Variants in CALB2 observed in about 807,000 individuals in gnomAD.
CALB2 encodes calbindin 2, also known as calretinin.
Under a neutral mutation model 45.9 loss-of-function variants are expected in CALB2, and 34 were observed. That is an observed-to-expected ratio of 0.74 (90% confidence interval 0.56 to 0.99). The LOEUF (loss-of-function observed/expected upper bound fraction) is 0.99. Ranked by LOEUF, CALB2 falls within the 50% of genes least tolerant of loss-of-function variation. The pLI is 0.00. For missense variants in CALB2, 344 were observed against 339.3 expected (o/e 1.01, Z -0.11); for synonymous variants, 142 against 129.6 (o/e 1.10, Z -0.65).
chr16:71,385,709 G>A (rs894780651), intron 10 of CALB2, 61 bp downstream of exon 10: 2 of 1,391,760 alleles, frequency 1.4e-6, no homozygotes, highest in Admixed American at 1.7e-5. Flanking sequence ...GCTTCTGCAG[G>A]AGAGGAGGGG....
chr16:71,382,650 G>C, intron 4 of CALB2, 69 bp from the exon 5 acceptor site: 1 of 1,504,934 alleles, frequency 6.6e-7, no homozygotes, highest in Non-Finnish European at 9.1e-7. Flanking sequence ...CCCATTAAAG[G>C]GGAATGGAAG....
chr16:71,384,816 A>G lies in CALB2; in HGVS notation c.607A>G (p.Ile203Val). 1 of 1,610,674 alleles carries G rather than the reference A, an allele frequency of 6.2e-7. No homozygotes were observed. Among genetic ancestry groups the G allele is most frequent in the Non-Finnish European group, 8.5e-7 (1 of 1,178,402 alleles). Residue 203 changes from isoleucine to valine, a missense_variant, in exon 9 of 11, where the codon ATC becomes GTC. Transcript: ENST00000302628. Reference sequence around the variant, plus strand: ...GCTGACCTCAGAGGAGTTTAACGCGATCTTCACATTTTACGACAAGGTAAG... The same window carrying G: ...GCTGACCTCAGAGGAGTTTAACGCGGTCTTCACATTTTACGACAAGGTAAG... Reference protein sequence around the residue: ...MKLTSEEFNAIFTFYDKDRSG... With the variant: ...MKLTSEEFNAVFTFYDKDRSG...
chr16:71,385,166 A>T (rs966742166), intron 9 of CALB2, among the ~76,000 whole-genome samples: 7 of 152,080 alleles, frequency 4.6e-5, no homozygotes, highest in Non-Finnish European at 7.4e-5. Flanking sequence ...GCCCAGGGCC[A>T]AGTCTTTCTC....
intron 7 of CALB2, 123 bp from the exon 8 acceptor site, chr16:71,384,216 T>C: frequency 1.0e-6 from 1 of 1,002,818 alleles, no homozygotes; most frequent in Non-Finnish European, 1.6e-6. Context: ...TCCCACTGAT[T>C]CATTATGTGT....
chr16:71,369,757 C>T (rs1012888225), intron 1 of CALB2, among the ~76,000 whole-genome samples: 3 of 120,634 alleles, frequency 2.5e-5, no homozygotes, highest in Admixed American at 9.4e-5. Context: ...TCCACCTCCC[C>T]GTCTGACTCT....
intron 3 of CALB2, among the ~76,000 whole-genome samples, chr16:71,375,286 G>A (rs538034465): frequency 5.9e-5 from 9 of 152,084 alleles, no homozygotes; most frequent in Admixed American, 2.0e-4. Context: ...TAATTTACAC[G>A]TATCCATGTA....
In CALB2 at chr16:71,384,766, T is replaced by C. The variant is rs770685976; in HGVS notation, c.574-17T>C. On this transcript the variant is annotated splice_polypyrimidine_tract_variant and intron_variant, in intron 8 of 10. Coordinates refer to ENST00000302628, the MANE Select transcript of CALB2 (RefSeq NM_001740.5). ...ACTGCGCTTCTGCTTCTGTCTTTAATACCCTGGTTCTTGCAGGGCATGAAG... is the reference window on the plus strand; with the variant it reads ...ACTGCGCTTCTGCTTCTGTCTTTAACACCCTGGTTCTTGCAGGGCATGAAG... 1 of 1,283,536 alleles carries C rather than the reference T, an allele frequency of 7.8e-7. No individual in the cohort carries two copies. Among genetic ancestry groups the C allele is most frequent in the Non-Finnish European group, 1.0e-6 (1 of 999,176 alleles). The allele number at this position is 1,283,536 out of a possible 1,614,324, so 79.5% of individuals were successfully genotyped here.
intron 4 of CALB2, among the ~76,000 whole-genome samples, chr16:71,380,292 C>CTTTTTTTTTTTTTTTTT (rs544138378): frequency 6.8e-5 from 3 of 43,822 alleles, no homozygotes; most frequent in African/African-American, 2.5e-4. Context: ...CCTTCCTTTT[C>CTTTTTTTTTTTTTTTTT]TTTTTTTTTT....
intron 1 of CALB2, among the ~76,000 whole-genome samples, chr16:71,370,364 C>T (rs2042334694): frequency 6.6e-6 from 1 of 152,202 alleles, no homozygotes; most frequent in Admixed American, 6.5e-5. Context: ...CCTCCCTTCC[C>T]ATTCGAGTTG....
At chr16:71,360,506 A>G (rs939895970) in intron 1 of CALB2, among the ~76,000 whole-genome samples, 2 of 152,202 alleles carry the variant, frequency 1.3e-5, no homozygotes, top group African/African-American at 4.8e-5. Context: ...AGTATTCCAG[A>G]TGACATGCAC....
intron 1 of CALB2, among the ~76,000 whole-genome samples, chr16:71,369,074 T>C (rs916423583): frequency 6.6e-6 from 1 of 152,172 alleles, no homozygotes; most frequent in Admixed American, 6.5e-5. Flanking sequence ...CTAGCCTCCC[T>C]CTGCTCCCCT....
At chr16:71,387,690 C>T (rs1278851247) in intron 10 of CALB2, among the ~76,000 whole-genome samples, 1 of 152,182 alleles carries the variant, frequency 6.6e-6, no homozygotes, top group East Asian at 1.9e-4. Flanking sequence ...CTCCCCCATG[C>T]TGCTAAGTCT....
chr16:71,382,639 G>A, intron 4 of CALB2, 80 bp from the exon 5 acceptor site: 1 of 1,347,454 alleles, frequency 7.4e-7, no homozygotes. Context: ...ACCCTGGGTG[G>A]CCCATTAAAG....
chr16:71,389,901 A>T lies in CALB2; in HGVS notation c.*36A>T. 6 of 1,463,266 alleles carry T rather than the reference A, an allele frequency of 4.1e-6. No individual in the cohort carries two copies. The highest frequency in any genetic ancestry group is 5.7e-6 in the Non-Finnish European group (6 of 1,046,878). The allele number at this position is 1,463,266 out of a possible 1,614,324, so 90.6% of individuals were successfully genotyped here. A position where few individuals can be genotyped will look rare whatever the true frequency, so the allele number is the denominator to read the frequency against. Reference sequence around the variant, plus strand: ...GGGGCTGCTTCTCCACCTCCCCCAAACCCTGCTTCTGCTGCCCTGATGCGT... The same window carrying T: ...GGGGCTGCTTCTCCACCTCCCCCAATCCCTGCTTCTGCTGCCCTGATGCGT... On this transcript the variant is annotated 3_prime_UTR_variant, in exon 11 of 11. Coordinates refer to ENST00000302628, the MANE Select transcript of CALB2 (RefSeq NM_001740.5).
chr16:71,361,814 G>A (rs191374202), intron 1 of CALB2, among the ~76,000 whole-genome samples: 1 of 152,198 alleles, frequency 6.6e-6, no homozygotes, highest in African/African-American at 2.4e-5. Context: ...AGGAAGAAGT[G>A]TATGTTTGGA....
chr16:71,382,544 T>G (rs1251545948), intron 4 of CALB2, among the ~76,000 whole-genome samples, 175 bp from the exon 5 acceptor site: 5 of 152,238 alleles, frequency 3.3e-5, no homozygotes, highest in Non-Finnish European at 7.3e-5. Context: ...GATACTTCCC[T>G]TCATTTCCTT....
intron 4 of CALB2, among the ~76,000 whole-genome samples, chr16:71,379,402 T>C (rs572913742): frequency 6.6e-6 from 1 of 152,342 alleles, no homozygotes; most frequent in African/African-American, 2.4e-5. Context: ...TTGAGTAATA[T>C]TCATCTGATA....
intron 2 of CALB2, among the ~76,000 whole-genome samples, chr16:71,373,426 C>T (rs1245038266): frequency 6.6e-6 from 1 of 152,186 alleles, no homozygotes; most frequent in Admixed American, 6.5e-5. Flanking sequence ...ATAATGAAGC[C>T]TCGATCACAG....
rs574078458 is a variant in CALB2 at position 71,372,363 on chromosome 16, A to G, written c.171+134A>G. On this transcript the variant is annotated intron_variant, in intron 2 of 10. Coordinates refer to ENST00000302628, the MANE Select transcript of CALB2 (RefSeq NM_001740.5). ...GACACAGCATTTTATTTGTAAGGAT[A>G]AAAAATAGACTGTCCCCTAAGAGTA... The G allele has an allele frequency of 6.9e-5, 43 of 623,366 alleles. 1 individual carries two copies. The South Asian group carries it at 8.8e-4, about 13-fold the overall frequency. 38.6% of individuals were successfully genotyped at this position (623,366 alleles called of 1,614,324 possible).
Sources: allele counts gnomAD v4.1 joint callset (sites outside exome capture counted in the v4.1 genomes callset), GRCh38; gene constraint gnomAD v4.1.1; transcripts MANE v1.5; gene names NCBI Gene and HGNC (gene_info 2026-07-23, HGNC 2026-07-21).